SOD2: variants seen among roughly 807,000 people sequenced by gnomAD.
The protein encoded by SOD2 is superoxide dismutase [Mn], mitochondrial.
In SOD2, 11 loss-of-function variants were observed where a neutral mutation model predicts 27.0. The observed-to-expected ratio is 0.41, with a 90% CI of 0.26 to 0.67. The LOEUF (loss-of-function observed/expected upper bound fraction) is 0.67. SOD2 is among the 30% of genes least tolerant of loss of function. The probability of loss-of-function intolerance (pLI) is 0.34; values close to 1 mark genes in which losing one functional copy is unlikely to be tolerated. For synonymous variants in SOD2, 105 were observed against 103.0 expected (o/e 1.02, Z -0.12); for missense variants, 250 against 274.5 (o/e 0.91, Z 0.63).
intron 1 of SOD2, chr6:159,713,974 C>T (rs139534648): frequency 2.4e-5 from 20 of 828,374 alleles, no homozygotes; most frequent in South Asian, 7.2e-5. Context: ...CCCTGCCTTC[C>T]GTGCTCAGCA....
At chr6:159,685,924 C>T (rs1285331721) in intron 3 of SOD2, among the ~76,000 whole-genome samples, 1 of 152,160 alleles carries the variant, frequency 6.6e-6, no homozygotes, top group East Asian at 1.9e-4. Flanking sequence ...TTTCTGTTAG[C>T]TTTTTCTTTT....
intron 1 of SOD2, among the ~76,000 whole-genome samples, chr6:159,758,688 G>GAGCT (rs1421680623): frequency 6.6e-6 from 1 of 152,140 alleles, no homozygotes; most frequent in Non-Finnish European, 1.5e-5. Flanking sequence ...AGGGAGTGTT[G>GAGCT]AGCTAGCCCC....
intron 1 of SOD2, among the ~76,000 whole-genome samples, chr6:159,742,513 C>G (rs749819850): frequency 3.9e-5 from 6 of 152,104 alleles, no homozygotes; most frequent in Admixed American, 3.3e-4. Flanking sequence ...TAAACAGAAG[C>G]AACCAGTAAC....
At chr6:159,728,807 C>G (rs1226385095), upstream of SOD2, among the ~76,000 whole-genome samples, 1 of 152,160 alleles carries the variant, frequency 6.6e-6, no homozygotes, top group Non-Finnish European at 1.5e-5. Context: ...AGGTGTGTTT[C>G]TTACAGTGCT....
At chr6:159,741,251 G>A (rs777049480) in intron 1 of SOD2, among the ~76,000 whole-genome samples, 4 of 152,058 alleles carry the variant, frequency 2.6e-5, no homozygotes, top group Non-Finnish European at 5.9e-5. Context: ...GAAGAACAAC[G>A]GTCCCCTTGT....
chr6:159,742,167 C>T (rs1286172576), intron 1 of SOD2: 1 of 1,570,926 alleles, frequency 6.4e-7, no homozygotes, highest in East Asian at 2.3e-5. Context: ...GTTTTAGCTT[C>T]CTAAAGACTG....
chr6:159,697,055 AC>A (rs1777433972), upstream of SOD2, among the ~76,000 whole-genome samples: 2 of 151,592 alleles, frequency 1.3e-5, no homozygotes, highest in Non-Finnish European at 3.0e-5. Context: ...ACACACACAC[AC>A]ACACACACAC....
intron 1 of SOD2, among the ~76,000 whole-genome samples, chr6:159,722,705 A>G (rs1778064949): frequency 6.6e-6 from 1 of 152,208 alleles, no homozygotes; most frequent in African/African-American, 2.4e-5. Context: ...GAATATACAT[A>G]AAAACAGAAT....
At chr6:159,716,667 T>C (rs909045597) in intron 1 of SOD2, among the ~76,000 whole-genome samples, 3 of 152,160 alleles carry the variant, frequency 2.0e-5, no homozygotes, top group Non-Finnish European at 2.9e-5. Flanking sequence ...GAGGGGGCAG[T>C]ATTGAAAATA....
rs994853768 is a variant in SOD2 at position 159,718,786 on chromosome 6, G to C, written c.-116+8343C>G. Among the ~76,000 whole-genome samples, 5 of 152,126 alleles carry C rather than the reference G, an allele frequency of 3.3e-5. No individual in the cohort carries two copies. The East Asian group carries it at 9.6e-4, about 29-fold the overall frequency. On this transcript the variant is annotated intron_variant, in intron 1 of 2. Coordinates refer to the SOD2 transcript ENST00000401980. ...ATAAATAATGTGTCTTAGGCTAATT[G>C]CTAACTGTGAATAGGAGATAACCTG...
At chr6:159,753,499 T>C in intron 1 of SOD2, 1 of 1,614,212 alleles carries the variant, frequency 6.2e-7, no homozygotes, top group Non-Finnish European at 8.5e-7. Flanking sequence ...GTCGAATGCT[T>C]ATCCAGGAGA....
chr6:159,708,805 T>C (rs1777675390), intron 1 of SOD2, among the ~76,000 whole-genome samples: 2 of 152,216 alleles, frequency 1.3e-5, no homozygotes, highest in Admixed American at 1.3e-4. Flanking sequence ...AGAGCCCACA[T>C]TGCCAAGTCA....
At chr6:159,711,213 T>C (rs374818876) in intron 1 of SOD2, among the ~76,000 whole-genome samples, 14 of 56,366 alleles carry the variant, frequency 2.5e-4, no homozygotes, top group Admixed American at 4.6e-4. Flanking sequence ...ATTGCTCTGA[T>C]CACCATAACC....
intron 1 of SOD2, among the ~76,000 whole-genome samples, chr6:159,701,758 C>T (rs997824383): frequency 6.6e-6 from 1 of 152,124 alleles, no homozygotes. Context: ...AAATCTCCCA[C>T]ATTTTTGGTA....
intron 1 of SOD2, chr6:159,755,760 C>CTTTTTT (rs1779984995): frequency 7.0e-6 from 2 of 283,698 alleles, no homozygotes; most frequent in Non-Finnish European, 9.4e-6. Context: ...TTTTTTTTTT[C>CTTTTTT]TTTTCTTTTT....
chr6:159,746,366 A>G (rs903277937), upstream of SOD2, among the ~76,000 whole-genome samples: 1 of 152,180 alleles, frequency 6.6e-6, no homozygotes, highest in Admixed American at 6.5e-5. Context: ...AAAATAGTGG[A>G]AAGGTTTGTA....
At chr6:159,693,974 A>G (rs369842856), upstream of SOD2, among the ~76,000 whole-genome samples, 4 of 152,262 alleles carry the variant, frequency 2.6e-5, no homozygotes, top group African/African-American at 9.6e-5. Flanking sequence ...GCACACATTT[A>G]TCTTTATTTT....
chr6:159,755,745 CTTTG>C (rs1410133538), intron 1 of SOD2: 4 of 287,160 alleles, frequency 1.4e-5, no homozygotes, highest in Non-Finnish European at 1.8e-5. Flanking sequence ...TGTTTTTTTT[CTTTG>C]TTTTTTTTTT....
At chr6:159,722,140 G>A (rs1053111346) in intron 1 of SOD2, among the ~76,000 whole-genome samples, 4 of 152,106 alleles carry the variant, frequency 2.6e-5, no homozygotes, top group African/African-American at 9.7e-5. Flanking sequence ...CGCTTTGGGA[G>A]GTTGAGGTGG....
Sources: allele counts gnomAD v4.1 joint callset (sites outside exome capture counted in the v4.1 genomes callset), GRCh38; gene constraint gnomAD v4.1.1; transcripts MANE v1.5; gene names NCBI Gene and HGNC (gene_info 2026-07-23, HGNC 2026-07-21).